The following C2CD3 variants were observed in gnomAD, a reference collection of about 807,000 sequenced individuals.
C2CD3 encodes C2 domain containing 3 centriole elongation regulator.
In C2CD3, 148 loss-of-function variants were observed where a neutral mutation model predicts 234.0. That is an observed-to-expected ratio of 0.63 (90% confidence interval 0.55 to 0.72). The LOEUF is 0.72. Ranked by LOEUF, C2CD3 falls within the 30% of genes least tolerant of loss-of-function variation. The pLI is 0.00. For missense variants in C2CD3, 2,577 were observed against 2,811.5 expected (o/e 0.92, Z 1.89); for synonymous variants, 1,000 against 1,035.4 (o/e 0.97, Z 0.66).
Position 74,033,574 on chromosome 11 carries a change from G to T in C2CD3, c.6586C>A (p.Gln2196Lys). Residue 2196 changes from glutamine to lysine, a missense_variant, in exon 31 of 33, where the codon CAG (glutamine) becomes AAG (lysine). Transcript: ENST00000334126. ...SSTFVGWSSPQTDQNKEPKSE... is the reference protein window; with the variant it reads ...SSTFVGWSSPKTDQNKEPKSE... ...TTGGGCTCCTTGTTCTGATCTGTCT[G>T]TGGTGAGCTCCATCCAACAAACGTG... 2 of 1,536,164 alleles carry T rather than the reference G, an allele frequency of 1.3e-6. No homozygotes were observed. The highest frequency in any genetic ancestry group is 1.7e-6 in the Non-Finnish European group (2 of 1,146,922).
intron 3 of C2CD3, among the ~76,000 whole-genome samples, chr11:74,143,762 C>T (rs1213179172): frequency 6.6e-6 from 1 of 151,744 alleles, no homozygotes; most frequent in Non-Finnish European, 1.5e-5. Flanking sequence ...TCTTATATTG[C>T]CCTCTGGTTT....
chr11:74,085,951 T>C, intron 20 of C2CD3, 65 bp from the exon 21 acceptor site: 1 of 1,470,018 alleles, frequency 6.8e-7, no homozygotes, highest in Non-Finnish European at 9.2e-7. Context: ...CTTGATTTTC[T>C]AGAAAATAAC....
rs191462166 is a variant in C2CD3, at chr11:74,028,014, T to C, written c.6921+273A>G. On this transcript the variant is annotated intron_variant, in intron 32 of 32. Coordinates refer to ENST00000334126, the MANE Select transcript of C2CD3 (RefSeq NM_001286577.2). Reference sequence around the variant, plus strand: ...CAGCACTCAATACACATTTCTTAGCTGCCTCTTGCTTTCATGCTTCTGCAC... The same window carrying C: ...CAGCACTCAATACACATTTCTTAGCCGCCTCTTGCTTTCATGCTTCTGCAC... Among the ~76,000 whole-genome samples the C allele has an allele frequency of 3.2e-3, 490 of 152,310 alleles. 3 individuals are homozygous for C. In the Middle Eastern group the frequency reaches 0.034, roughly 11 times the overall value.
chr11:74,110,802 G>A (rs1322912989), intron 11 of C2CD3, among the ~76,000 whole-genome samples: 1 of 152,186 alleles, frequency 6.6e-6, no homozygotes, highest in Non-Finnish European at 1.5e-5. Context: ...GTGTCCCAGA[G>A]AAGATTTTTT....
chr11:74,056,955 G>A (rs1457773918), intron 25 of C2CD3, among the ~76,000 whole-genome samples: 2 of 143,256 alleles, frequency 1.4e-5, no homozygotes. Flanking sequence ...GGCAAGTCTC[G>A]AACTCCTGGG....
In C2CD3 at chr11:74,103,463, T is replaced by G. The variant is rs1413080912; in HGVS notation, c.2248A>C (p.Asn750His). 6.2e-7 allele frequency: 1 copy of G among 1,614,096 alleles called. No homozygotes were observed. The highest frequency in any genetic ancestry group is 1.7e-5 in the Admixed American group (1 of 60,002). The change falls in exon 14 of 33, where the codon AAC becomes CAC. Residue 750 changes from asparagine (N) to histidine (H), a missense_variant. Transcript: ENST00000334126. The stretch of plus-strand genomic sequence containing the variant: ...TTTGCAGTTTCCTCATGAATTTGGT[T>G]TAAGTTTTGTGGATTTTTGGTACAG... ...MTCTKNPQNL[N>H]QIHEETAKKA...
At chr11:74,083,986 A>T (rs111787484) in intron 22 of C2CD3, among the ~76,000 whole-genome samples, 1,930 of 152,316 alleles carry the variant, frequency 0.013, 16 homozygotes, top group Middle Eastern at 0.061. Context: ...ATAAAGACAC[A>T]TGCATATGTA....
intron 28 of C2CD3, among the ~76,000 whole-genome samples, chr11:74,043,281 T>A (rs1420408676): frequency 1.3e-5 from 2 of 152,256 alleles, no homozygotes; most frequent in Admixed American, 6.5e-5. Flanking sequence ...TTTAGCATAA[T>A]GTTTTCAAGC....
In C2CD3 at chr11:74,123,129, T is replaced by G. The variant is rs781089334; in HGVS notation, c.1224A>C (p.Glu408Asp). 1 of 1,611,808 alleles carries G rather than the reference T, an allele frequency of 6.2e-7. No individual in the cohort carries two copies. Among genetic ancestry groups the G allele is most frequent in the Non-Finnish European group, 8.5e-7 (1 of 1,177,974 alleles). Reference sequence around the variant, plus strand: ...CATCCCAGAAATTGCCTTGGGATAATTCAGCACTGCAGAGATAAGAAAACA... The same window carrying G: ...CATCCCAGAAATTGCCTTGGGATAAGTCAGCACTGCAGAGATAAGAAAACA... Reference protein sequence around the residue: ...RAIQLLLGSAELSQGNFWDGL... With the variant: ...RAIQLLLGSADLSQGNFWDGL... Residue 408 changes from glutamate to aspartate, a missense_variant, in exon 8 of 33, where the codon GAA becomes GAC. Physicochemically the swap from Glu to Asp is conservative, Grantham distance 45 (BLOSUM62 2). Transcript: ENST00000334126.
Position 74,033,864 on chromosome 11 carries a change from C to T in C2CD3, c.6296G>A (p.Ser2099Asn), listed in dbSNP as rs1427486012. 4 of 1,536,088 alleles carry T rather than the reference C, an allele frequency of 2.6e-6. No individual in the cohort carries two copies. The highest frequency in any genetic ancestry group is 1.4e-5 in the African/African-American group (1 of 73,054). ...SVISDTSEVI[S>N]PQPDEVQREG... is the part of the protein sequence containing the mutation. ...CCTCTGCACCTCGTCAGGCTGAGGGCTGATGACCTCACTTGTGTCTGATAT... is the reference window on the plus strand; with the variant it reads ...CCTCTGCACCTCGTCAGGCTGAGGGTTGATGACCTCACTTGTGTCTGATAT... Residue 2099 changes from serine to asparagine, a missense_variant, in exon 31 of 33, where the codon AGC becomes AAC. Transcript: ENST00000334126.
At chr11:74,107,351 C>A (rs770388262) in intron 12 of C2CD3, among the ~76,000 whole-genome samples, 1 of 148,706 alleles carries the variant, frequency 6.7e-6, no homozygotes, top group Admixed American at 6.7e-5. Flanking sequence ...CACACACACA[C>A]AGAAATAAGA....
chr11:74,054,486 G>A (rs1201244671), intron 26 of C2CD3, 121 bp downstream of exon 26: 7 of 609,900 alleles, frequency 1.1e-5, no homozygotes, highest in East Asian at 8.5e-5. Context: ...CAGCACTGTC[G>A]GGAATGCTTC....
chr11:74,114,733 G>A, intron 9 of C2CD3, 140 bp from the exon 10 acceptor site: 5 of 625,760 alleles, frequency 8.0e-6, no homozygotes, highest in South Asian at 7.8e-5. Flanking sequence ...ACAGGGTGTT[G>A]CTCTGTCACC....
intron 11 of C2CD3, among the ~76,000 whole-genome samples, chr11:74,111,939 C>G (rs960201636): frequency 7.0e-6 from 1 of 142,928 alleles, no homozygotes; most frequent in African/African-American, 2.6e-5. Flanking sequence ...CACACACACA[C>G]ACACACACAC....
At chr11:74,037,443 C>T in intron 30 of C2CD3, 35 bp downstream of exon 30, 1 of 1,520,108 alleles carries the variant, frequency 6.6e-7, no homozygotes, top group Non-Finnish European at 9.1e-7. Flanking sequence ...ACCTAGTGAC[C>T]ATAACATCTC....
intron 23 of C2CD3, among the ~76,000 whole-genome samples, chr11:74,075,285 CT>C (rs1954983905): frequency 6.7e-6 from 1 of 149,912 alleles, no homozygotes; most frequent in African/African-American, 2.5e-5. Flanking sequence ...TCATGGGCTC[CT>C]GTTTTTCGAC....
At chr11:74,136,704 CT>C (rs1466740854) in intron 5 of C2CD3, among the ~76,000 whole-genome samples, 1 of 152,114 alleles carries the variant, frequency 6.6e-6, no homozygotes, top group Non-Finnish European at 1.5e-5. Flanking sequence ...CTTGCTGCTC[CT>C]TTTACCAGTC....
chr11:74,113,700 A>G lies in C2CD3; in HGVS notation c.1843+80T>C. 3 of 818,830 alleles carry G rather than the reference A, an allele frequency of 3.7e-6. No individual in the cohort carries two copies. In the South Asian group the frequency reaches 4.2e-5, roughly 12 times the overall value. 50.7% of individuals were successfully genotyped at this position (818,830 alleles called of 1,614,324 possible). On this transcript the variant is annotated intron_variant, in intron 11 of 32. Transcript: ENST00000334126. ...ATGTCAAAAAAAAAAAAAAAAAAAA[A>G]GTCAAATGAGTAATTAGGAATTCAA...
chr11:74,019,177 T>C (rs1951988936), intron 32 of C2CD3, among the ~76,000 whole-genome samples: 1 of 152,184 alleles, frequency 6.6e-6, no homozygotes, highest in African/African-American at 2.4e-5. Flanking sequence ...TTAAAAGTTA[T>C]ACTCTTACAA....
Sources: allele counts gnomAD v4.1 joint callset (sites outside exome capture counted in the v4.1 genomes callset), GRCh38; gene constraint gnomAD v4.1.1; transcripts MANE v1.5; gene names NCBI Gene and HGNC (gene_info 2026-07-23, HGNC 2026-07-21).